CFAP57: variants seen among roughly 807,000 people sequenced by gnomAD.
The protein encoded by CFAP57 is cilia and flagella associated protein 57.
CFAP57 carries 116 observed loss-of-function variants against 146.8 expected under a neutral mutation model. That is an observed-to-expected ratio of 0.79 (90% CI 0.68 to 0.92). CFAP57 has a LOEUF of 0.92. Among genes scored for constraint, CFAP57 ranks in the 40% least tolerant of loss-of-function variants. CFAP57 has a pLI of 0.00. For missense variants in CFAP57, 1,377 were observed against 1,527.2 expected (o/e 0.90, Z 1.64); for synonymous variants, 518 against 552.8 (o/e 0.94, Z 0.88).
At chr1:43,197,486 T>C (rs938113242) in intron 6 of CFAP57, 67 bp from the exon 7 acceptor site, 40 of 1,606,184 alleles carry the variant, frequency 2.5e-5, no homozygotes, top group Non-Finnish European at 3.2e-5. Flanking sequence ...GGGAACTAAT[T>C]AGAGCTGACA....
chr1:43,231,672 G>A (rs1347257456), intron 18 of CFAP57, among the ~76,000 whole-genome samples: 4 of 149,182 alleles, frequency 2.7e-5, no homozygotes, highest in Non-Finnish European at 5.9e-5. Flanking sequence ...TGGACAACAT[G>A]GTGAAACCCT....
At position 43,186,729 on chromosome 1, in the gene CFAP57, A is replaced by C; in HGVS notation, c.992A>C (p.Asn331Thr). ...CAGATTCCTGTGGACCCGCAGAGCA[A>C]TGATCCAAGTCAGTCTGACAAACAG... ...EIRIPVDPQSNDPSQSDKQDV... is the reference protein window; with the variant it reads ...EIRIPVDPQSTDPSQSDKQDV... The change falls in exon 6 of 23, where the codon AAT becomes ACT. Residue 331 changes from asparagine to threonine, a missense_variant. Physicochemically the swap from Asn to Thr is moderately conservative, Grantham distance 65 (BLOSUM62 0). Transcript: ENST00000372492. 1 of 1,614,174 alleles carries C rather than the reference A, an allele frequency of 6.2e-7. No homozygotes were observed. Among genetic ancestry groups the C allele is most frequent in the South Asian group, 1.1e-5 (1 of 91,076 alleles).
chr1:43,253,344 T>G (rs986194443), intron 22 of CFAP57, among the ~76,000 whole-genome samples: 5 of 152,180 alleles, frequency 3.3e-5, no homozygotes, highest in African/African-American at 1.2e-4. Context: ...GTGAAAGACC[T>G]AAAGCATGGC....
chr1:43,188,415 T>C (rs999741523), intron 6 of CFAP57, among the ~76,000 whole-genome samples: 3 of 152,172 alleles, frequency 2.0e-5, no homozygotes. Flanking sequence ...ATATGAGCAT[T>C]CTGATTTCTC....
intron 12 of CFAP57, among the ~76,000 whole-genome samples, chr1:43,217,708 C>T (rs1644887590): frequency 6.6e-6 from 1 of 152,144 alleles, no homozygotes; most frequent in Non-Finnish European, 1.5e-5. Flanking sequence ...CTGGTCTATG[C>T]AGTTGCCGCC....
intron 6 of CFAP57, among the ~76,000 whole-genome samples, chr1:43,196,202 A>G (rs1156407546): frequency 6.6e-6 from 1 of 152,238 alleles, no homozygotes; most frequent in Admixed American, 6.5e-5. Flanking sequence ...GTGATTCCCC[A>G]TCATTGCATG....
At chr1:43,225,620 G>A (rs1645216193) in intron 17 of CFAP57, among the ~76,000 whole-genome samples, 1 of 152,136 alleles carries the variant, frequency 6.6e-6, no homozygotes, top group Non-Finnish European at 1.5e-5. Context: ...ACCACCGCTT[G>A]GCTCTCAAGC....
At chr1:43,172,580 A>AGG (rs1229015579) in intron 1 of CFAP57, 127 bp downstream of exon 1, 5 of 369,670 alleles carry the variant, frequency 1.4e-5, no homozygotes, top group Non-Finnish European at 2.3e-5. Context: ...GGGAAAGGGG[A>AGG]GGGACAAGGG....
chr1:43,186,715 G>T lies in CFAP57; in HGVS notation c.978G>T (p.Val326=), dbSNP rs1170743868. 1.2e-6 allele frequency: 2 copies of T among 1,613,988 alleles called. No individual in the cohort carries two copies. Among genetic ancestry groups the T allele is most frequent in the Non-Finnish European group, 1.7e-6 (2 of 1,179,990 alleles). Residue 326 remains valine (V), a synonymous_variant, in exon 6 of 23, where the codon GTG becomes GTT. Coordinates refer to ENST00000372492, the MANE Select transcript of CFAP57 (RefSeq NM_001378189.1). ...TTTTGCATTTTGGGCAGATTCCTGTGGACCCGCAGAGCAATGATCCAAGTC... is the reference window on the plus strand; with the variant it reads ...TTTTGCATTTTGGGCAGATTCCTGTTGACCCGCAGAGCAATGATCCAAGTC... ...YRESREIRIP[V]DPQSNDPSQS...
intron 9 of CFAP57, among the ~76,000 whole-genome samples, chr1:43,199,887 C>A (rs891084282): frequency 6.6e-6 from 1 of 152,046 alleles, no homozygotes; most frequent in African/African-American, 2.4e-5. Flanking sequence ...AGTCTGTGGG[C>A]CTGGAATGTG....
intron 6 of CFAP57, among the ~76,000 whole-genome samples, chr1:43,195,330 T>C (rs1295571014): frequency 6.6e-6 from 1 of 152,054 alleles, no homozygotes; most frequent in Non-Finnish European, 1.5e-5. Flanking sequence ...GAGACCATCC[T>C]GGCCAACATG....
chr1:43,199,284 A>C, intron 8 of CFAP57, 106 bp from the exon 9 acceptor site: 2 of 1,034,922 alleles, frequency 1.9e-6, no homozygotes, highest in Non-Finnish European at 3.1e-6. Context: ...CCACCCTCAC[A>C]CGTAGTTTCA....
At chr1:43,204,908 C>T (rs1408347402) in intron 9 of CFAP57, among the ~76,000 whole-genome samples, 1 of 152,172 alleles carries the variant, frequency 6.6e-6, no homozygotes, top group Non-Finnish European at 1.5e-5. Flanking sequence ...ATTTTTAAGC[C>T]TGGCTTCCTA....
intron 6 of CFAP57, among the ~76,000 whole-genome samples, chr1:43,188,769 A>G (rs7529336): frequency 0.18 from 27,323 of 151,922 alleles, 3,526 homozygotes; most frequent in African/African-American, 0.35. Context: ...ATTTTGATGA[A>G]ATTGAATTTA....
At chr1:43,213,569 CA>C (rs1644715747) in intron 11 of CFAP57, among the ~76,000 whole-genome samples, 1 of 151,700 alleles carries the variant, frequency 6.6e-6, no homozygotes, top group Non-Finnish European at 1.5e-5. Flanking sequence ...GAAAAGTATC[CA>C]GTAATGAGAT....
chr1:43,199,083 A>G (rs998504159), intron 8 of CFAP57, among the ~76,000 whole-genome samples: 4 of 152,190 alleles, frequency 2.6e-5, no homozygotes, highest in African/African-American at 7.2e-5. Flanking sequence ...AAACAAGGCA[A>G]TGATTTCAGG....
At chr1:43,176,413 A>G (rs1557720797) in intron 2 of CFAP57, among the ~76,000 whole-genome samples, 1 of 152,208 alleles carries the variant, frequency 6.6e-6, no homozygotes, top group Non-Finnish European at 1.5e-5. Context: ...AGGGAAAAAT[A>G]TAAAGGTCAT....
chr1:43,204,531 G>T (rs575976402), intron 9 of CFAP57, among the ~76,000 whole-genome samples: 61 of 152,204 alleles, frequency 4.0e-4, no homozygotes, highest in African/African-American at 1.4e-3. Flanking sequence ...TATCTGTTTC[G>T]TGACTTGGCT....
In CFAP57 at chr1:43,183,763, A is replaced by G. The variant is rs137950021; in HGVS notation, c.647A>G (p.Asp216Gly). The G allele has an allele frequency of 6.2e-7, 1 of 1,614,070 alleles. No individual in the cohort carries two copies. The highest frequency in any genetic ancestry group is 8.5e-7 in the Non-Finnish European group (1 of 1,180,038). Residue 216 changes from aspartate (D) to glycine (G), a missense_variant, in exon 4 of 23, where the codon GAC becomes GGC. By Grantham distance (94) the Asp-to-Gly change is moderately conservative. Transcript: ENST00000372492. The part of the protein sequence containing the change: ...VADDKIVVGT[D>G]TGKLFLFESG... ...GATGACAAGATTGTCGTTGGCACTG[A>G]CACAGGCAAACTCTTCCTCTTTGAA... is the stretch of plus-strand genomic sequence containing the variant.
Sources: allele counts gnomAD v4.1 joint callset (sites outside exome capture counted in the v4.1 genomes callset), GRCh38; gene constraint gnomAD v4.1.1; transcripts MANE v1.5; gene names NCBI Gene and HGNC (gene_info 2026-07-23, HGNC 2026-07-21).